The following RFX3 variants were observed in gnomAD, a reference collection of about 807,000 sequenced individuals.
The protein encoded by RFX3 is regulatory factor X3.
A neutral mutation model predicts 98.6 loss-of-function variants in RFX3; 14 were observed. The ratio of observed to expected loss-of-function variants is 0.14; its 90% CI spans 0.09 to 0.22. The LOEUF (loss-of-function observed/expected upper bound fraction) is 0.22, where lower values mean the gene tolerates loss of function less well. Among genes scored for constraint, RFX3 ranks in the 10% least tolerant of loss-of-function variants. The probability of loss-of-function intolerance (pLI) is 1.00; values close to 1 mark genes in which losing one functional copy is unlikely to be tolerated. For synonymous variants in RFX3, 383 were observed against 328.4 expected (o/e 1.17, Z -1.80); for missense variants, 639 against 926.9 (o/e 0.69, Z 4.03).
intron 1 of RFX3, among the ~76,000 whole-genome samples, chr9:3,452,925 T>G (rs934067908): frequency 2.0e-5 from 3 of 152,162 alleles, no homozygotes; most frequent in Non-Finnish European, 4.4e-5. Context: ...ATCAAGTTCT[T>G]TTGTACCAAA....
At chr9:3,316,028 G>T (rs1222360116) in intron 4 of RFX3, among the ~76,000 whole-genome samples, 2 of 152,134 alleles carry the variant, frequency 1.3e-5, no homozygotes, top group South Asian at 2.1e-4. Flanking sequence ...CATTTTATGA[G>T]GCCAACATCA....
At chr9:3,465,913 C>A (rs906145854) in intron 1 of RFX3, among the ~76,000 whole-genome samples, 2 of 151,862 alleles carry the variant, frequency 1.3e-5, no homozygotes, top group African/African-American at 4.8e-5. Context: ...GCATTCTTAG[C>A]AGGGCAAAGA....
intron 1 of RFX3, among the ~76,000 whole-genome samples, chr9:3,482,558 C>G (rs1173934519): frequency 1.3e-5 from 2 of 152,192 alleles, no homozygotes; most frequent in Non-Finnish European, 2.9e-5. Flanking sequence ...TGAACAGGTT[C>G]TGTGAACTTT....
At chr9:3,240,741 T>C (rs1014941036) in intron 15 of RFX3, among the ~76,000 whole-genome samples, 3 of 152,180 alleles carry the variant, frequency 2.0e-5, no homozygotes, top group Admixed American at 6.5e-5. Flanking sequence ...TATTTATTTA[T>C]CAGGGGGGCC....
chr9:3,475,100 C>CA (rs199543385), intron 1 of RFX3, among the ~76,000 whole-genome samples: 17,013 of 96,186 alleles, frequency 0.18, 1,732 homozygotes, highest in East Asian at 0.58. Context: ...ACCCTGTCTC[C>CA]AAAAAAAAAA....
At chr9:3,416,550 C>A (rs966365753) in intron 1 of RFX3, among the ~76,000 whole-genome samples, 1 of 152,098 alleles carries the variant, frequency 6.6e-6, no homozygotes, top group Admixed American at 6.6e-5. Flanking sequence ...TCTCAAAGTT[C>A]CCATATGTAC....
At chr9:3,232,361 C>T (rs761110383) in intron 15 of RFX3, among the ~76,000 whole-genome samples, 2 of 152,148 alleles carry the variant, frequency 1.3e-5, no homozygotes, top group Non-Finnish European at 2.9e-5. Context: ...GCTTTCCTGG[C>T]AGCCCTATCT....
chr9:3,425,373 T>C (rs115498895), intron 1 of RFX3, among the ~76,000 whole-genome samples: 1,675 of 152,366 alleles, frequency 0.011, 26 homozygotes, highest in African/African-American at 0.038. Context: ...TGTATGGTCA[T>C]GTATTTTCTC....
intron 1 of RFX3, among the ~76,000 whole-genome samples, chr9:3,455,409 A>C (rs1208951848): frequency 6.6e-6 from 1 of 152,076 alleles, no homozygotes; most frequent in East Asian, 1.9e-4. Flanking sequence ...AAATGCTCCT[A>C]CTATATACTC....
chr9:3,288,304 AT>A, intron 6 of RFX3, 54 bp from the exon 7 acceptor site: 1 of 1,531,878 alleles, frequency 6.5e-7, no homozygotes, highest in East Asian at 2.3e-5. Flanking sequence ...ACTAATATTA[AT>A]CACATGGGAT....
chr9:3,276,697 ACT>A (rs1825271962), intron 8 of RFX3, among the ~76,000 whole-genome samples: 1 of 151,876 alleles, frequency 6.6e-6, no homozygotes. Flanking sequence ...ACACACAGTC[ACT>A]CTCTGATACC....
intron 4 of RFX3, among the ~76,000 whole-genome samples, chr9:3,308,269 T>C (rs533229555): frequency 2.0e-5 from 3 of 152,262 alleles, no homozygotes; most frequent in East Asian, 3.9e-4. Context: ...TAAGACTCTA[T>C]GGCAACTCCT....
chr9:3,504,270 A>G lies in RFX3; in HGVS notation c.-9+21477T>C, dbSNP rs535191881. Among the ~76,000 whole-genome samples the G allele has an allele frequency of 3.4e-3, 433 of 128,778 alleles. 3 individuals are homozygous for G. Among genetic ancestry groups the G allele is most frequent in the South Asian group, 0.011 (50 of 4,454 alleles). The allele number at this position is 128,778 out of a possible 152,430, so 84.5% of individuals were successfully genotyped here. On this transcript the variant is annotated intron_variant, in intron 1 of 16. Transcript: ENST00000617270. ...ATATTTTATATATAATATATACTAT[A>G]TTGTATATAACATATAAAATATATA...
intron 1 of RFX3, among the ~76,000 whole-genome samples, chr9:3,395,858 C>T (rs1029067217): frequency 1.3e-5 from 2 of 152,088 alleles, no homozygotes; most frequent in Non-Finnish European, 2.9e-5. Context: ...TTGAAAGCTA[C>T]CTTCTATCTC....
intron 1 of RFX3, among the ~76,000 whole-genome samples, chr9:3,468,508 C>A (rs1460252019): frequency 6.6e-6 from 1 of 152,184 alleles, no homozygotes; most frequent in Non-Finnish European, 1.5e-5. Flanking sequence ...ACTTTGCTGT[C>A]AATCACTGCT....
intron 1 of RFX3, among the ~76,000 whole-genome samples, chr9:3,414,202 T>A (rs932672936): frequency 6.6e-6 from 1 of 152,112 alleles, no homozygotes; most frequent in Non-Finnish European, 1.5e-5. Context: ...TGGAACTACA[T>A]CTGACTGTAA....
chr9:3,464,937 G>A (rs771314580), intron 1 of RFX3, among the ~76,000 whole-genome samples: 3 of 151,684 alleles, frequency 2.0e-5, no homozygotes, highest in South Asian at 2.1e-4. Context: ...AAAAGTTATC[G>A]GTGGAAAGGT....
intron 1 of RFX3, among the ~76,000 whole-genome samples, chr9:3,397,728 C>T (rs1841044498): frequency 6.6e-6 from 1 of 152,042 alleles, no homozygotes; most frequent in Admixed American, 6.6e-5. Context: ...TTAGTGAAAC[C>T]CCTAAAGCAG....
chr9:3,522,998 A>C lies in RFX3; in HGVS notation c.-9+2749T>G, dbSNP rs536779915. ...TGGAGGAATAATACAAAAAAAACTA[A>C]CCATCACTACAACCTTTAATGAAAA... On this transcript the variant is annotated intron_variant, in intron 1 of 16. Coordinates refer to ENST00000617270, the MANE Select transcript of RFX3 (RefSeq NM_001282116.2). Among the ~76,000 whole-genome samples, 65 of 152,288 alleles carry C rather than the reference A, an allele frequency of 4.3e-4. 2 individuals are homozygous for C. In the South Asian group the frequency reaches 0.013, roughly 31 times the overall value.
Sources: gnomAD v4.1 joint callset for allele counts (sites outside exome capture counted in the v4.1 genomes callset) on GRCh38, gnomAD v4.1.1 for gene constraint, MANE v1.5 for transcripts, NCBI Gene and HGNC (gene_info 2026-07-23, HGNC 2026-07-21) for gene names.